SNX9: variants seen among roughly 807,000 people sequenced by gnomAD.
The protein encoded by SNX9 is sorting nexin 9.
Under a neutral mutation model 89.4 loss-of-function variants are expected in SNX9, and 44 were observed. The ratio of observed to expected loss-of-function variants is 0.49; its 90% CI spans 0.39 to 0.63. The LOEUF is 0.63. Ranked by LOEUF, SNX9 falls within the 30% of genes least tolerant of loss-of-function variation. The pLI is 0.00. For synonymous variants in SNX9, 236 were observed against 247.8 expected (o/e 0.95, Z 0.45); for missense variants, 578 against 736.1 (o/e 0.79, Z 2.49).
chr6:157,910,929 G>A (rs1783328011), intron 9 of SNX9, among the ~76,000 whole-genome samples: 1 of 152,072 alleles, frequency 6.6e-6, no homozygotes, highest in African/African-American at 2.4e-5. Context: ...AGACCATCCA[G>A]GCTAACACGG....
chr6:157,915,640 A>AAAAAAAT (rs1472422303), intron 9 of SNX9, among the ~76,000 whole-genome samples: 47 of 95,132 alleles, frequency 4.9e-4, no homozygotes, highest in African/African-American at 2.0e-3. Context: ...AAAAAAAAAA[A>AAAAAAAT]ATATATATAT....
rs1163861849 is a variant in SNX9, at chr6:157,901,880, T to C, written c.473-18T>C. The C allele has an allele frequency of 1.9e-6, 3 of 1,575,632 alleles. No homozygotes were observed. Among genetic ancestry groups the C allele is most frequent in the Non-Finnish European group, 2.6e-6 (3 of 1,166,944 alleles). ...TTTTTTTTTTTTTTAACTGATGATC[T>C]TCCATTTTCACCTCTAGCAACTGGT... On this transcript the variant is annotated intron_variant, in intron 5 of 17. Coordinates refer to ENST00000392185, the MANE Select transcript of SNX9 (RefSeq NM_016224.5).
At chr6:157,839,293 C>T (rs1036658258) in intron 1 of SNX9, among the ~76,000 whole-genome samples, 1 of 152,094 alleles carries the variant, frequency 6.6e-6, no homozygotes, top group Admixed American at 6.5e-5. Flanking sequence ...CCTATTTCCC[C>T]TATTAGTGTT....
intron 1 of SNX9, among the ~76,000 whole-genome samples, chr6:157,850,119 G>A (rs1042309950): frequency 1.3e-5 from 2 of 152,160 alleles, no homozygotes; most frequent in Admixed American, 1.3e-4. Context: ...GCGAGGGGAG[G>A]AGAGTGTTTC....
chr6:157,912,509 G>A (rs1040381313), intron 9 of SNX9, among the ~76,000 whole-genome samples: 6 of 152,176 alleles, frequency 3.9e-5, no homozygotes, highest in African/African-American at 1.4e-4. Flanking sequence ...AGAAAGTTGA[G>A]CTTTGATTCA....
At chr6:157,827,754 G>T (rs1781408517) in intron 1 of SNX9, among the ~76,000 whole-genome samples, 1 of 151,004 alleles carries the variant, frequency 6.6e-6, no homozygotes, top group Non-Finnish European at 1.5e-5. Flanking sequence ...ATATAATTTA[G>T]CTGTAATTTC....
At chr6:157,827,495 AGT>A (rs2115102015) in intron 1 of SNX9, among the ~76,000 whole-genome samples, 3 of 23,160 alleles carry the variant, frequency 1.3e-4, no homozygotes, top group African/African-American at 6.2e-4. Flanking sequence ...ATAAACTTAT[AGT>A]TTATATAATA....
chr6:157,895,315 G>T (rs1048285825), intron 4 of SNX9, among the ~76,000 whole-genome samples: 4 of 152,152 alleles, frequency 2.6e-5, no homozygotes, highest in African/African-American at 9.7e-5. Context: ...CTTGGTCTGG[G>T]TTGTAAATCA....
At chr6:157,882,235 A>T (rs1318430199) in intron 4 of SNX9, among the ~76,000 whole-genome samples, 1 of 152,208 alleles carries the variant, frequency 6.6e-6, no homozygotes, top group Non-Finnish European at 1.5e-5. Flanking sequence ...ATGACAGCAC[A>T]TCTGTTTGCA....
chr6:157,913,716 G>A (rs974675109), intron 9 of SNX9, among the ~76,000 whole-genome samples: 6 of 152,116 alleles, frequency 3.9e-5, no homozygotes, highest in East Asian at 1.9e-4. Flanking sequence ...ATAATTCTGC[G>A]TTTTCTAGGA....
intron 14 of SNX9, 150 bp downstream of exon 14, chr6:157,936,190 T>C: frequency 1.6e-6 from 1 of 616,100 alleles, no homozygotes; most frequent in Non-Finnish European, 2.7e-6. Context: ...TTAATCATGG[T>C]TTCTTAGGTT....
rs554020908 is a variant in SNX9, at chr6:157,938,533, A to G, written c.1534-100A>G. The G allele has an allele frequency of 5.5e-6, 4 of 720,870 alleles. No homozygotes were observed. The Admixed American group carries it at 7.5e-5, about 13-fold the overall frequency. The allele number at this position is 720,870 out of a possible 1,614,324, so 44.7% of individuals were successfully genotyped here. On this transcript the variant is annotated intron_variant, in intron 15 of 17. Coordinates refer to ENST00000392185, the MANE Select transcript of SNX9 (RefSeq NM_016224.5). ...TATTTTGTGGAGGTATTTCCTGTTCAGTAGCAAATCAGTTATAGAATATAT... is the reference window on the plus strand; with the variant it reads ...TATTTTGTGGAGGTATTTCCTGTTCGGTAGCAAATCAGTTATAGAATATAT...
rs191077221 is a variant in SNX9, at chr6:157,861,613, G to T, written c.13-5934G>T. Among the ~76,000 whole-genome samples, 54 of 152,238 alleles carry T rather than the reference G, an allele frequency of 3.5e-4. No individual in the cohort carries two copies. In the East Asian group the frequency reaches 6.8e-3, roughly 19 times the overall value. Reference sequence around the variant, plus strand: ...TAGTTCACATAACAGTGGAGTAAGCGCAAGGTTGAGCAAAAGCTGTGGAAA... The same window carrying T: ...TAGTTCACATAACAGTGGAGTAAGCTCAAGGTTGAGCAAAAGCTGTGGAAA... On this transcript the variant is annotated intron_variant, in intron 1 of 17. Coordinates refer to ENST00000392185, the MANE Select transcript of SNX9 (RefSeq NM_016224.5).
intron 10 of SNX9, among the ~76,000 whole-genome samples, chr6:157,926,780 CAAAAAAAAA>C (rs71027371): frequency 3.5e-4 from 21 of 60,732 alleles, no homozygotes; most frequent in East Asian, 1.1e-3. Context: ...GACTCTGTCT[CAAAAAAAAA>C]AAAAAAAAAA....
chr6:157,898,782 C>T (rs969725313), intron 5 of SNX9, among the ~76,000 whole-genome samples: 2 of 152,178 alleles, frequency 1.3e-5, no homozygotes, highest in Admixed American at 1.3e-4. Flanking sequence ...AATGTCTGTT[C>T]TAAACAGCAA....
chr6:157,858,280 CT>C (rs1239508177), intron 1 of SNX9, among the ~76,000 whole-genome samples: 11 of 143,142 alleles, frequency 7.7e-5, no homozygotes, highest in African/African-American at 2.6e-4. Context: ...GAGTTTTGCT[CT>C]TGTTGCCCAG....
At chr6:157,830,080 C>T (rs1046731201) in intron 1 of SNX9, 2 of 152,138 alleles carry the variant, frequency 1.3e-5, no homozygotes, top group African/African-American at 2.4e-5. Flanking sequence ...TCAATTATTG[C>T]CCAGTATTTT....
chr6:157,833,283 G>GA (rs993871309), intron 1 of SNX9, among the ~76,000 whole-genome samples: 1 of 151,614 alleles, frequency 6.6e-6, no homozygotes, highest in Non-Finnish European at 1.5e-5. Flanking sequence ...TTGTAACAAG[G>GA]AAAAAAAAGA....
At chr6:157,900,440 A>G (rs181306326) in intron 5 of SNX9, among the ~76,000 whole-genome samples, 160 of 152,314 alleles carry the variant, frequency 1.1e-3, no homozygotes, top group African/African-American at 3.8e-3. Flanking sequence ...CCGCAATGCA[A>G]CGGGGTTCTC....
Sources: gnomAD v4.1 joint callset for allele counts (sites outside exome capture counted in the v4.1 genomes callset) on GRCh38, gnomAD v4.1.1 for gene constraint, MANE v1.5 for transcripts, NCBI Gene and HGNC (gene_info 2026-07-23, HGNC 2026-07-21) for gene names.